UBXN2A: variants seen among roughly 807,000 people sequenced by gnomAD.
UBXN2A encodes the protein UBX domain protein 2A, also known as UBX domain-containing protein 2A.
UBXN2A carries 28 observed loss-of-function variants against 28.4 expected under a neutral mutation model. That is an observed-to-expected ratio of 0.99 (90% CI 0.73 to 1.35). The LOEUF (loss-of-function observed/expected upper bound fraction) is 1.35, where lower values mean the gene tolerates loss of function less well. UBXN2A is among the 40% of genes most tolerant of loss of function. UBXN2A has a pLI of 0.00. For synonymous variants in UBXN2A, 97 were observed against 103.6 expected (o/e 0.94, Z 0.39); for missense variants, 253 against 297.9 (o/e 0.85, Z 1.11).
intron 1 of UBXN2A, among the ~76,000 whole-genome samples, chr2:23,953,520 C>T (rs756855597): frequency 5.9e-5 from 9 of 152,184 alleles, no homozygotes; most frequent in Non-Finnish European, 7.3e-5. Flanking sequence ...AATTAATCAT[C>T]GCTCCAAAAT....
chr2:23,997,155 C>G (rs1708573710), intron 6 of UBXN2A: 1 of 152,200 alleles, frequency 6.6e-6, no homozygotes, highest in African/African-American at 2.4e-5. Context: ...TTCCTGGGCT[C>G]AAGTGATCCT....
intron 4 of UBXN2A, 76 bp downstream of exon 4, chr2:23,977,151 C>T: frequency 4.1e-6 from 5 of 1,211,550 alleles, no homozygotes; most frequent in Non-Finnish European, 6.0e-6. Flanking sequence ...ATTGCCTGAG[C>T]TCAGGAGTTC....
At chr2:23,962,951 G>A (rs1409373275) in intron 2 of UBXN2A, among the ~76,000 whole-genome samples, 3 of 152,178 alleles carry the variant, frequency 2.0e-5, no homozygotes, top group Non-Finnish European at 4.4e-5. Context: ...CATGGCTGGG[G>A]AAGCCTCACA....
At chr2:23,947,427 C>A (rs1176116219) in intron 1 of UBXN2A, among the ~76,000 whole-genome samples, 2 of 152,148 alleles carry the variant, frequency 1.3e-5, no homozygotes, top group Non-Finnish European at 2.9e-5. Flanking sequence ...CAGTTCTTTT[C>A]ATCTGTTCAT....
intron 3 of UBXN2A, among the ~76,000 whole-genome samples, chr2:23,973,443 A>G (rs2150872413): frequency 6.7e-6 from 1 of 148,602 alleles, no homozygotes; most frequent in South Asian, 2.1e-4. Context: ...GGTTCATGCC[A>G]TTCTCCTGCC....
At chr2:23,994,520 A>G (rs990527272) in intron 6 of UBXN2A, among the ~76,000 whole-genome samples, 3 of 151,640 alleles carry the variant, frequency 2.0e-5, no homozygotes, top group East Asian at 1.9e-4. Context: ...CATATTTTCT[A>G]TTTGACCTGT....
intron 6 of UBXN2A, 36 bp from the exon 7 acceptor site, chr2:23,999,636 C>T (rs1041151189): frequency 6.4e-7 from 1 of 1,572,462 alleles, no homozygotes. Context: ...TTCAAATTTT[C>T]CTAAAATTAT....
At chr2:23,958,138 G>A (rs1193403958) in intron 1 of UBXN2A, among the ~76,000 whole-genome samples, 163 bp from the exon 2 acceptor site, 1 of 152,170 alleles carries the variant, frequency 6.6e-6, no homozygotes, top group Non-Finnish European at 1.5e-5. Flanking sequence ...GACTTAAAAT[G>A]TATTTTCTAT....
At chr2:23,930,882 G>A (rs1344745805) in intron 1 of UBXN2A, among the ~76,000 whole-genome samples, 3 of 151,556 alleles carry the variant, frequency 2.0e-5, no homozygotes, top group African/African-American at 7.3e-5. Flanking sequence ...TAAAAAAAAA[G>A]GAGGCCAGGC....
chr2:23,999,575 A>G (rs1314775675), intron 6 of UBXN2A, 97 bp from the exon 7 acceptor site: 2 of 1,321,376 alleles, frequency 1.5e-6, no homozygotes, highest in Admixed American at 2.3e-5. Flanking sequence ...TATCTCTAAT[A>G]ATAACATATC....
chr2:23,949,425 G>A (rs1706255337), intron 1 of UBXN2A, among the ~76,000 whole-genome samples: 1 of 151,876 alleles, frequency 6.6e-6, no homozygotes, highest in Non-Finnish European at 1.5e-5. Flanking sequence ...CAAAACATTA[G>A]CCGGGCGTGG....
At chr2:23,942,713 C>A (rs1705829573) in intron 1 of UBXN2A, among the ~76,000 whole-genome samples, 1 of 151,646 alleles carries the variant, frequency 6.6e-6, no homozygotes, top group Admixed American at 6.6e-5. Context: ...GCCACCGTGC[C>A]CGGCTGATGC....
At chr2:23,960,669 G>C (rs1002717992) in intron 2 of UBXN2A, among the ~76,000 whole-genome samples, 8 of 152,088 alleles carry the variant, frequency 5.3e-5, no homozygotes, top group African/African-American at 1.9e-4. Context: ...ATCTCACTCT[G>C]TTGCCCAGGC....
At chr2:23,929,667 T>A (rs1705312658) in intron 1 of UBXN2A, among the ~76,000 whole-genome samples, 1 of 151,410 alleles carries the variant, frequency 6.6e-6, no homozygotes, top group Non-Finnish European at 1.5e-5. Context: ...GAGCTGAGAT[T>A]GCACCACTGC....
At chr2:23,973,309 G>A (rs1040372329) in intron 3 of UBXN2A, among the ~76,000 whole-genome samples, 68 of 148,970 alleles carry the variant, frequency 4.6e-4, no homozygotes, top group Admixed American at 5.4e-4. Context: ...GTGAGCCACC[G>A]CACCTGGCCT....
intron 6 of UBXN2A, among the ~76,000 whole-genome samples, chr2:23,990,186 A>G (rs1050349380): frequency 6.6e-6 from 1 of 151,590 alleles, no homozygotes; most frequent in East Asian, 2.0e-4. Flanking sequence ...CCTTCACTGG[A>G]ATGCCCTCTC....
chr2:23,928,177 G>GAA (rs200494081), intron 1 of UBXN2A, among the ~76,000 whole-genome samples: 2,893 of 92,928 alleles, frequency 0.031, 40 homozygotes, highest in Middle Eastern at 0.045. Flanking sequence ...CCCTGTCTCA[G>GAA]AAAAAAAAAA....
In UBXN2A at chr2:23,983,004, C is replaced by G; in HGVS notation, c.396C>G (p.Pro132=). ...ICLSTKPVFQ[P]FSGQGHRLGS... is the part of the protein sequence containing the mutation. ...TGTCTACGAAGCCTGTGTTCCAGCC[C>G]TTTTCAGGACAGGGTCACAGACTAG... Residue 132 remains proline, a synonymous_variant, in exon 5 of 7, where the codon CCC becomes CCG. Coordinates refer to ENST00000309033, the MANE Select transcript of UBXN2A (RefSeq NM_181713.4). 1 of 1,608,160 alleles carries G rather than the reference C, an allele frequency of 6.2e-7. No homozygotes were observed. Among genetic ancestry groups the G allele is most frequent in the Non-Finnish European group, 8.5e-7 (1 of 1,177,050 alleles).
intron 1 of UBXN2A, among the ~76,000 whole-genome samples, chr2:23,928,843 A>G (rs1344736499): frequency 6.6e-6 from 1 of 152,152 alleles, no homozygotes. Context: ...CACAATTTGC[A>G]TACCACATCC....
Sources: allele counts gnomAD v4.1 joint callset (sites outside exome capture counted in the v4.1 genomes callset), GRCh38; gene constraint gnomAD v4.1.1; transcripts MANE v1.5; gene names NCBI Gene and HGNC (gene_info 2026-07-23, HGNC 2026-07-21).